The following RAB33A variants were observed in gnomAD, a reference collection of about 807,000 sequenced individuals.
RAB33A encodes RAB33A, member RAS oncogene family, also known as ras-related protein Rab-33A.
In RAB33A, 6 loss-of-function variants were observed where a neutral mutation model predicts 12.0. The observed-to-expected ratio is 0.50, with a 90% confidence interval of 0.27 to 0.99. The LOEUF is 0.99. Among genes scored for constraint, RAB33A ranks in the 50% least tolerant of loss-of-function variants. The pLI, the probability that RAB33A is intolerant of heterozygous loss-of-function variation, is 0.11. For missense variants in RAB33A, 109 were observed against 192.0 expected (o/e 0.57, Z 2.55); for synonymous variants, 70 against 82.4 (o/e 0.85, Z 0.81).
the RAB33A span, among the ~76,000 whole-genome samples, chrX:130,156,869 C>T: frequency 1.8e-5 from 2 of 111,703 alleles, no homozygotes; most frequent in African/African-American, 6.5e-5. Flanking sequence ...ATGAAAAACA[C>T]GAACAGTTCA....
the RAB33A span, among the ~76,000 whole-genome samples, chrX:130,158,972 C>A: frequency 9.0e-6 from 1 of 111,199 alleles, no homozygotes; most frequent in East Asian, 2.8e-4. Context: ...CAATGTGGAT[C>A]TGTGGTCTCT....
the RAB33A span, among the ~76,000 whole-genome samples, chrX:130,161,530 A>AAC: frequency 9.2e-6 from 1 of 108,544 alleles, no homozygotes; most frequent in Non-Finnish European, 1.9e-5. Flanking sequence ...AAAAAAAAAA[A>AAC]AACACAGGAC....
At chrX:130,146,549 T>C in the RAB33A span, among the ~76,000 whole-genome samples, 8 of 109,275 alleles carry the variant, frequency 7.3e-5, no homozygotes, top group Non-Finnish European at 1.5e-4. Flanking sequence ...ATACATCCTG[T>C]TTGAAAATGG....
At chrX:130,130,738 T>C in the RAB33A span, among the ~76,000 whole-genome samples, 1 of 112,097 alleles carries the variant, frequency 8.9e-6, no homozygotes, top group African/African-American at 3.2e-5. Flanking sequence ...ACAGGTACTT[T>C]AGACAAAGCA....
the RAB33A span, among the ~76,000 whole-genome samples, chrX:130,164,604 A>G: frequency 9.8e-5 from 11 of 112,008 alleles, no homozygotes; most frequent in African/African-American, 3.6e-4. Context: ...GAAGTAACGC[A>G]GTACGAAAAG....
chrX:130,130,267 G>A, the RAB33A span: 2 of 937,558 alleles, frequency 2.1e-6, no homozygotes, highest in South Asian at 2.0e-5. Flanking sequence ...TTCGAGGCCT[G>A]CTTCAAGCTA....
the RAB33A span, chrX:130,129,465 C>A: frequency 5.5e-6 from 4 of 722,257 alleles, no homozygotes; most frequent in Middle Eastern, 5.8e-4. Flanking sequence ...CACTCATACA[C>A]AGAGAAAGTC....
chrX:130,141,275 G>C, the RAB33A span, among the ~76,000 whole-genome samples: 1 of 111,830 alleles, frequency 8.9e-6, no homozygotes, highest in Non-Finnish European at 1.9e-5. Flanking sequence ...ACAGTTTCTG[G>C]TACCCAGTTT....
chrX:130,133,190 G>T, the RAB33A span: 1 of 913,447 alleles, frequency 1.1e-6, no homozygotes, highest in South Asian at 2.0e-5. Flanking sequence ...GACATAAGAT[G>T]GACTTTTTTC....
chrX:130,181,007 CAAAA>C (rs60085312), intron 1 of RAB33A, among the ~76,000 whole-genome samples: 7 of 8,123 alleles, frequency 8.6e-4, no homozygotes, highest in African/African-American at 2.0e-3. Context: ...CAGTCCATCT[CAAAA>C]AAAAAAAAAA....
At chrX:130,148,877 C>T in the RAB33A span, among the ~76,000 whole-genome samples, 2 of 101,085 alleles carry the variant, frequency 2.0e-5, no homozygotes, top group Non-Finnish European at 4.0e-5. Context: ...ATCTCTTTTC[C>T]ATCTTTTCCA....
chrX:130,119,649 A>C, the RAB33A span, among the ~76,000 whole-genome samples: 1 of 111,935 alleles, frequency 8.9e-6, no homozygotes, highest in Non-Finnish European at 1.9e-5. Context: ...CCCTGTAGGA[A>C]AAAGGCCCGG....
chrX:130,136,955 G>A, the RAB33A span: 1 of 1,176,195 alleles, frequency 8.5e-7, no homozygotes, highest in African/African-American at 1.8e-5. Flanking sequence ...CTGGAGAATG[G>A]TGGAAACATT....
chrX:130,118,443 C>T, the RAB33A span, among the ~76,000 whole-genome samples: 6 of 112,816 alleles, frequency 5.3e-5, no homozygotes, highest in East Asian at 1.7e-3. Context: ...TGAGGACAGG[C>T]CTGAAACATT....
At chrX:130,137,273 C>T in the RAB33A span, 21 of 1,203,106 alleles carry the variant, frequency 1.7e-5, no homozygotes, top group Non-Finnish European at 2.2e-5. Flanking sequence ...AGCAGGCAGC[C>T]CTCACTACAG....
chrX:130,117,228 A>G, the RAB33A span, among the ~76,000 whole-genome samples: 13 of 112,024 alleles, frequency 1.2e-4, 1 homozygote, highest in Non-Finnish European at 5.6e-5. Context: ...AAAAACAAAA[A>G]AACAAAAAAC....
At chrX:130,156,218 A>C in the RAB33A span, among the ~76,000 whole-genome samples, 1 of 112,169 alleles carries the variant, frequency 8.9e-6, no homozygotes, top group African/African-American at 3.2e-5. Context: ...AGTGGCTTTC[A>C]AGTAAAGAAG....
the RAB33A span, among the ~76,000 whole-genome samples, chrX:130,135,325 G>T: frequency 1.8e-5 from 2 of 108,234 alleles, no homozygotes; most frequent in African/African-American, 6.8e-5. Flanking sequence ...GATCTCAAGT[G>T]ATCCACCTGC....
At chrX:130,148,878 A>G in the RAB33A span, among the ~76,000 whole-genome samples, 1 of 96,746 alleles carries the variant, frequency 1.0e-5, no homozygotes, top group African/African-American at 3.9e-5. Flanking sequence ...TCTCTTTTCC[A>G]TCTTTTCCAA....
Sources: gnomAD v4.1 joint callset for allele counts (sites outside exome capture counted in the v4.1 genomes callset) on GRCh38, gnomAD v4.1.1 for gene constraint, MANE v1.5 for transcripts, NCBI Gene and HGNC (gene_info 2026-07-23, HGNC 2026-07-21) for gene names.